The following DIDO1 variants were observed in gnomAD, a reference collection of about 807,000 sequenced individuals.
DIDO1 encodes death-inducer obliterator 1.
DIDO1 carries 16 observed loss-of-function variants against 99.4 expected under a neutral mutation model. The observed-to-expected ratio is 0.16, with a 90% CI of 0.11 to 0.24. DIDO1 has a LOEUF of 0.24. Ranked by LOEUF, DIDO1 falls within the 10% of genes least tolerant of loss-of-function variation. The pLI is 1.00. For missense variants in DIDO1, 2,996 were observed against 3,014.0 expected, an observed-to-expected ratio of 0.99 and a Z score of 0.14; for synonymous variants, 1,366 against 1,239.1, an observed-to-expected ratio of 1.10 and a Z score of -2.15.
Position 62,882,329 on chromosome 20 carries a change from G to A in DIDO1, c.3627C>T (p.Asp1209=). The A allele has an allele frequency of 6.2e-7, 1 of 1,614,026 alleles. No homozygotes were observed. Among genetic ancestry groups the A allele is most frequent in the African/African-American group, 1.3e-5 (1 of 75,046 alleles). Reference sequence around the variant, plus strand: ...GTCGGGTCCGCTTTTCGTCCATCTTGTCTAACTCTCCACTGTTTGCGGGAC... The same window carrying A: ...GTCGGGTCCGCTTTTCGTCCATCTTATCTAACTCTCCACTGTTTGCGGGAC... ...IKRPANSGEL[D]KMDEKRTRLQ... The change falls in exon 16 of 16, where the codon GAC becomes GAT. Residue 1209 remains aspartate (D), a synonymous_variant. Coordinates refer to ENST00000395343, the MANE Select transcript of DIDO1 (RefSeq NM_001193369.2).
At position 62,893,899 on chromosome 20, in the gene DIDO1, C is replaced by T. The variant is rs746494906; in HGVS notation, c.2868G>A (p.Gly956=). 19 of 1,610,926 alleles carry T rather than the reference C, an allele frequency of 1.2e-5. No individual in the cohort carries two copies. The highest frequency in any genetic ancestry group is 1.5e-5 in the Non-Finnish European group (18 of 1,177,700). Residue 956 remains glycine, a synonymous_variant, in exon 12 of 16, where the codon GGG becomes GGA. Transcript: ENST00000395343. ...LSPCPASCGS[G]VVTTVTVSGR... Reference sequence around the variant, plus strand: ...CGGACACTGTGACGGTGGTGACCACCCCGCTCCCACAGGAGGCTGGGCAGG... The same window carrying T: ...CGGACACTGTGACGGTGGTGACCACTCCGCTCCCACAGGAGGCTGGGCAGG...
At chr20:62,936,938 T>C (rs764061298) in intron 1 of DIDO1, among the ~76,000 whole-genome samples, 4 of 152,270 alleles carry the variant, frequency 2.6e-5, no homozygotes, top group Non-Finnish European at 5.9e-5. Flanking sequence ...ATTACTGGCA[T>C]GTACTGCCTC....
intron 2 of DIDO1, among the ~76,000 whole-genome samples, chr20:62,913,190 AC>A (rs773609696): frequency 4.6e-5 from 7 of 151,762 alleles, no homozygotes; most frequent in African/African-American, 1.7e-4. Context: ...CATGACCCAC[AC>A]CCCCCAGGGC....
chr20:62,895,163 T>C lies in DIDO1; in HGVS notation c.2217A>G (p.Gly739=), dbSNP rs781032813. 2 of 1,603,714 alleles carry C rather than the reference T, an allele frequency of 1.2e-6. No homozygotes were observed. The highest frequency in any genetic ancestry group is 1.7e-6 in the Non-Finnish European group (2 of 1,171,394). Residue 739 remains glycine (G), a splice_region_variant and synonymous_variant, in exon 9 of 16, where the codon GGA becomes GGG. Transcript: ENST00000395343. ...MFNLKDPKNQ[G]LFHRVLREEI... ...CCTCACGCAGAACACGATGGAAGAGTCCCTATAAACAAGTATTTTTCATTT... is the reference window on the plus strand; with the variant it reads ...CCTCACGCAGAACACGATGGAAGAGCCCCTATAAACAAGTATTTTTCATTT...
At chr20:62,924,743 G>A (rs950224868) in intron 1 of DIDO1, among the ~76,000 whole-genome samples, 1 of 152,180 alleles carries the variant, frequency 6.6e-6, no homozygotes, top group Non-Finnish European at 1.5e-5. Flanking sequence ...GGGCTGTCTG[G>A]TAACCATGGG....
Position 62,894,848 on chromosome 20 carries a change from G to A in DIDO1, c.2398C>T (p.Pro800Ser), listed in dbSNP as rs2064482735. 1.2e-6 allele frequency: 2 copies of A among 1,613,966 alleles called. No individual in the cohort carries two copies. The highest frequency in any genetic ancestry group is 1.7e-6 in the Non-Finnish European group (2 of 1,180,020). Residue 800 changes from proline (P) to serine (S), a missense_variant, in exon 10 of 16, where the codon CCC becomes TCC. Pro to Ser is a moderately conservative substitution (Grantham distance 74). Transcript: ENST00000395343. This position sits in a 1 kb window ranked among gnomAD's most constrained non-coding sequence, Gnocchi z 4.4. ...ACTGGCGGAGAGTCCTCCAGATCGG[G>A]GATGGCCTCCTGCCTGGGGGCCGTC... ...KKTAPRQEAI[P>S]DLEDSPPVSD...
intron 5 of DIDO1, 45 bp downstream of exon 5, chr20:62,907,102 C>A: frequency 3.1e-6 from 5 of 1,599,276 alleles, no homozygotes; most frequent in Non-Finnish European, 3.4e-6. Context: ...AACGCTCTCA[C>A]GCCTGTGCGT....
chr20:62,905,695 G>T, intron 6 of DIDO1, 192 bp downstream of exon 6: 1 of 1,608,878 alleles, frequency 6.2e-7, no homozygotes, highest in South Asian at 1.1e-5. Context: ...AGGAAGTCCT[G>T]ACAGACTAGG....
chr20:62,881,703 G>A lies in DIDO1; in HGVS notation c.4253C>T (p.Ala1418Val). ...ATAGGCCACCTCTTCCCGCTCGGCT[G>A]CAGCTGCTTCAGGAGCCCTTTCCAC... ...HEVERAPEAA[A>V]AEREEVAYDP... is the part of the protein sequence containing the mutation. Residue 1418 changes from alanine (A) to valine (V), a missense_variant, in exon 16 of 16, where the codon GCA (alanine) becomes GTA (valine). Physicochemically the swap from Ala to Val is moderately conservative, Grantham distance 64. This residue lies in a region of DIDO1 where 1,562 missense variants were observed against 1,412.6 expected (regional missense o/e 1.11). Coordinates refer to ENST00000395343, the MANE Select transcript of DIDO1 (RefSeq NM_001193369.2). This position sits in a 1 kb window ranked among gnomAD's most constrained non-coding sequence, Gnocchi z 8.3. The A allele has an allele frequency of 2.5e-6, 4 of 1,612,878 alleles. No individual in the cohort carries two copies. In the South Asian group the frequency reaches 3.3e-5, roughly 13 times the overall value.
At chr20:62,937,660 A>C in intron 1 of DIDO1, 1 of 394,432 alleles carries the variant, frequency 2.5e-6, no homozygotes. Flanking sequence ...CCTGGACCTC[A>C]GGGACACTAG....
At position 62,911,764 on chromosome 20, in the gene DIDO1, G is replaced by A. The variant is rs187425281; in HGVS notation, c.-2-150C>T. ...TTCTGACCAGTGTTTCCTAATGTGTGCTATGTGAGATGATTCAAGATGATT... is the reference window on the plus strand; with the variant it reads ...TTCTGACCAGTGTTTCCTAATGTGTACTATGTGAGATGATTCAAGATGATT... On this transcript the variant is annotated intron_variant, in intron 2 of 15. Transcript: ENST00000395343. This position sits in a 1 kb window ranked among gnomAD's most constrained non-coding sequence, Gnocchi z 7.0. The A allele has an allele frequency of 1.1e-4, 67 of 602,194 alleles. No individual in the cohort carries two copies. In the East Asian group the frequency reaches 1.9e-3, roughly 17 times the overall value. The allele number at this position is 602,194 out of a possible 1,614,324, so 37.3% of individuals were successfully genotyped here. A position where few individuals can be genotyped will look rare whatever the true frequency, so the allele number is the denominator to read the frequency against.
chr20:62,891,653 G>T (rs560945356), intron 14 of DIDO1, among the ~76,000 whole-genome samples: 6 of 151,950 alleles, frequency 3.9e-5, no homozygotes, highest in African/African-American at 1.5e-4. Flanking sequence ...AAAATAAAAC[G>T]TATCTATTTC....
intron 1 of DIDO1, among the ~76,000 whole-genome samples, chr20:62,935,268 T>A (rs1335686547): frequency 6.6e-6 from 1 of 152,206 alleles, no homozygotes; most frequent in Non-Finnish European, 1.5e-5. Flanking sequence ...CCATTTTTGC[T>A]AGTATTGCTT....
At chr20:62,922,857 G>C (rs2065182062) in intron 1 of DIDO1, among the ~76,000 whole-genome samples, 2 of 152,226 alleles carry the variant, frequency 1.3e-5, no homozygotes, top group African/African-American at 2.4e-5. Context: ...GGAGGGCAGG[G>C]AGTGCTTCAC....
intron 6 of DIDO1, among the ~76,000 whole-genome samples, chr20:62,901,199 T>C (rs1020121575): frequency 6.6e-6 from 1 of 152,226 alleles, no homozygotes; most frequent in Non-Finnish European, 1.5e-5. Flanking sequence ...AGACCATCAC[T>C]ACAGCCAGGA....
chr20:62,911,774 A>T lies in DIDO1; in HGVS notation c.-2-160T>A, dbSNP rs903376005. ...TGTTTCCTAATGTGTGCTATGTGAG[A>T]TGATTCAAGATGATTTGTAAAGATA... is the stretch of plus-strand genomic sequence containing the variant. On this transcript the variant is annotated intron_variant, in intron 2 of 15. Transcript: ENST00000395343. The surrounding 1 kb of genome is among the most constrained non-coding windows in gnomAD (Gnocchi z 7.0). 6.6e-6 allele frequency among the ~76,000 whole-genome samples: 1 copy of T among 152,360 alleles called. No individual in the cohort carries two copies. Among genetic ancestry groups the T allele is most frequent in the African/African-American group, 2.4e-5 (1 of 41,578 alleles).
chr20:62,910,232 T>G (rs910559656), intron 3 of DIDO1, among the ~76,000 whole-genome samples: 1 of 152,176 alleles, frequency 6.6e-6, no homozygotes, highest in Admixed American at 6.5e-5. Flanking sequence ...AGGAGCAAAC[T>G]CTAAGGCATT....
Position 62,892,949 on chromosome 20 carries a change from G to T in DIDO1, c.3115C>A (p.Arg1039Ser). The change falls in exon 13 of 16, where the codon CGT (arginine) becomes AGT (serine). Residue 1039 changes from arginine (R) to serine (S), a missense_variant. Arg to Ser is a moderately radical substitution (Grantham distance 110). Around this residue, in one of 5 missense-constraint regions of DIDO1, gnomAD observed 898 missense variants for 972.7 expected, o/e 0.92. Coordinates refer to ENST00000395343, the MANE Select transcript of DIDO1 (RefSeq NM_001193369.2). The part of the protein sequence containing the change: ...PSPNISTSES[R>S]SPPEGDTTLF... ...GTCGTGTCTCCCTCTGGAGGGGAACGTGATTCTGAAGTGCTGTAAAACAAA... is the reference window on the plus strand; with the variant it reads ...GTCGTGTCTCCCTCTGGAGGGGAACTTGATTCTGAAGTGCTGTAAAACAAA... 2 of 1,612,362 alleles carry T rather than the reference G, an allele frequency of 1.2e-6. No homozygotes were observed. The highest frequency in any genetic ancestry group is 3.3e-4 in the Middle Eastern group (2 of 6,058).
Position 62,881,911 on chromosome 20 carries a change from T to C in DIDO1, c.4045A>G (p.Thr1349Ala). 1 of 1,613,394 alleles carries C rather than the reference T, an allele frequency of 6.2e-7. No individual in the cohort carries two copies. The highest frequency in any genetic ancestry group is 1.3e-5 in the African/African-American group (1 of 75,012). The part of the protein sequence containing the change: ...TAGLPQEPKT[T>A]AEDGVPAPPL... ...GGTGCCGGCACCCCGTCCTCTGCTG[T>C]GGTTTTGGGCTCCTGGGGGAGACCT... The change falls in exon 16 of 16, where the codon ACA (threonine) becomes GCA (alanine). Residue 1349 changes from threonine (T) to alanine (A), a missense_variant. Around this residue, in one of 5 missense-constraint regions of DIDO1, gnomAD observed 1,562 missense variants for 1,412.6 expected, o/e 1.11. Coordinates refer to ENST00000395343, the MANE Select transcript of DIDO1 (RefSeq NM_001193369.2). The surrounding 1 kb of genome is among the most constrained non-coding windows in gnomAD (Gnocchi z 8.3).
Sources: allele counts gnomAD v4.1 joint callset (sites outside exome capture counted in the v4.1 genomes callset), GRCh38; gene constraint gnomAD v4.1.1; regional missense constraint gnomAD v4.1.1; non-coding constraint Gnocchi (gnomAD v3.1); transcripts MANE v1.5; gene names NCBI Gene and HGNC (gene_info 2026-07-23, HGNC 2026-07-21).